Variants in SHC3 observed in about 807,000 individuals in gnomAD.
SHC3 encodes SHC adaptor protein 3, also known as SHC-transforming protein 3.
Under a neutral mutation model 60.4 loss-of-function variants are expected in SHC3, and 15 were observed. The ratio of observed to expected loss-of-function variants is 0.25; its 90% CI spans 0.17 to 0.38. The LOEUF (loss-of-function observed/expected upper bound fraction) is 0.38, where lower values mean the gene tolerates loss of function less well. Ranked by LOEUF, SHC3 falls within the 10% of genes least tolerant of loss-of-function variation. SHC3 has a pLI of 1.00. For synonymous variants in SHC3, 294 were observed against 325.9 expected (o/e 0.90, Z 1.05); for missense variants, 677 against 786.1 (o/e 0.86, Z 1.66).
chr9:89,137,920 T>C (rs1028067179), intron 1 of SHC3, among the ~76,000 whole-genome samples: 3 of 152,184 alleles, frequency 2.0e-5, no homozygotes, highest in African/African-American at 7.2e-5. Context: ...ACAAAGCCAT[T>C]ATTTTGTAAC....
chr9:89,078,011 T>A (rs1825387422), intron 2 of SHC3, 108 bp from the exon 3 acceptor site: 1 of 1,318,338 alleles, frequency 7.6e-7, no homozygotes, highest in Non-Finnish European at 1.1e-6. Flanking sequence ...TTTATTTCAG[T>A]ATAGAAAACA....
intron 11 of SHC3, among the ~76,000 whole-genome samples, chr9:89,028,411 C>T (rs968980396): frequency 6.6e-6 from 1 of 151,616 alleles, no homozygotes; most frequent in African/African-American, 2.4e-5. Flanking sequence ...AGCAAACCAA[C>T]ACCTGCCTCA....
chr9:89,056,650 G>A (rs1304949834), intron 6 of SHC3, among the ~76,000 whole-genome samples: 2 of 152,200 alleles, frequency 1.3e-5, no homozygotes, highest in East Asian at 1.9e-4. Context: ...TTGCTTCGCC[G>A]CTCACCCCAC....
chr9:89,062,769 C>T (rs759033876), intron 6 of SHC3, among the ~76,000 whole-genome samples: 29 of 152,262 alleles, frequency 1.9e-4, no homozygotes, highest in Non-Finnish European at 3.8e-4. Context: ...ACATTCACAC[C>T]CAGAATTTCT....
chr9:89,097,310 C>G (rs1292496744), intron 2 of SHC3, among the ~76,000 whole-genome samples: 2 of 152,104 alleles, frequency 1.3e-5, no homozygotes, highest in Non-Finnish European at 2.9e-5. Context: ...TCAAAAGGAA[C>G]TATAAGTTCC....
At chr9:89,048,522 G>A (rs1226105164) in intron 7 of SHC3, among the ~76,000 whole-genome samples, 5 of 152,148 alleles carry the variant, frequency 3.3e-5, no homozygotes, top group Non-Finnish European at 7.4e-5. Context: ...AGTGGAGAAT[G>A]GGGAGTAATT....
At chr9:89,144,371 A>G (rs919493482) in intron 1 of SHC3, among the ~76,000 whole-genome samples, 2 of 152,258 alleles carry the variant, frequency 1.3e-5, no homozygotes, top group South Asian at 4.1e-4. Context: ...TGGAGTATGC[A>G]CTGGCACCCC....
intron 6 of SHC3, among the ~76,000 whole-genome samples, chr9:89,054,742 T>C (rs1411697316): frequency 6.6e-6 from 1 of 152,184 alleles, no homozygotes; most frequent in Admixed American, 6.5e-5. Flanking sequence ...ATCTAAAACA[T>C]AGCTCAATGT....
At chr9:89,086,755 A>G (rs957845370) in intron 2 of SHC3, among the ~76,000 whole-genome samples, 8 of 152,202 alleles carry the variant, frequency 5.3e-5, no homozygotes, top group African/African-American at 1.9e-4. Flanking sequence ...TCACCTCATT[A>G]GCATACAAAA....
intron 7 of SHC3, among the ~76,000 whole-genome samples, chr9:89,051,476 T>C (rs1842912073): frequency 6.6e-6 from 1 of 152,178 alleles, no homozygotes; most frequent in Non-Finnish European, 1.5e-5. Flanking sequence ...AAGGTGCCAT[T>C]CTTATTCCTA....
At chr9:89,076,235 G>T (rs1263908113) in intron 3 of SHC3, among the ~76,000 whole-genome samples, 1 of 152,064 alleles carries the variant, frequency 6.6e-6, no homozygotes, top group Admixed American at 6.5e-5. Context: ...GCCTTACTTG[G>T]TTCCCCATGG....
Position 89,082,470 on chromosome 9 carries a change from C to T in SHC3, c.546-4567G>A, listed in dbSNP as rs79695598. Among the ~76,000 whole-genome samples, 953 of 152,306 alleles carry T rather than the reference C, an allele frequency of 6.3e-3. 9 individuals carry two copies. Among genetic ancestry groups the T allele is most frequent in the African/African-American group, 0.021 (893 of 41,564 alleles). On this transcript the variant is annotated intron_variant, in intron 2 of 11. Coordinates refer to ENST00000375835, the MANE Select transcript of SHC3 (RefSeq NM_016848.6). ...ATGCTTCCCTGTGTGAGTTGGACATCGGTCCATGGGGCCACCTAGGCCCTG... is the reference window on the plus strand; with the variant it reads ...ATGCTTCCCTGTGTGAGTTGGACATTGGTCCATGGGGCCACCTAGGCCCTG...
intron 1 of SHC3, among the ~76,000 whole-genome samples, chr9:89,116,427 A>G (rs941270736): frequency 1.3e-5 from 2 of 152,008 alleles, no homozygotes; most frequent in Admixed American, 1.3e-4. Flanking sequence ...ACGTGAATAC[A>G]ACCACCACCA....
intron 4 of SHC3, 48 bp from the exon 5 acceptor site, chr9:89,071,300 C>T (rs968876325): frequency 1.2e-6 from 2 of 1,600,608 alleles, no homozygotes; most frequent in Non-Finnish European, 1.7e-6. Context: ...TCGCCCTTTC[C>T]ACATTTTGGA....
intron 1 of SHC3, among the ~76,000 whole-genome samples, chr9:89,119,153 T>C (rs1463130014): frequency 1.3e-5 from 2 of 152,026 alleles, no homozygotes; most frequent in Non-Finnish European, 2.9e-5. Flanking sequence ...TATGTTTATA[T>C]ATGTGTGTAA....
intron 1 of SHC3, among the ~76,000 whole-genome samples, chr9:89,119,466 T>C (rs1826060933): frequency 6.6e-6 from 1 of 152,038 alleles, no homozygotes; most frequent in South Asian, 2.1e-4. Flanking sequence ...ATATAAAACA[T>C]ATTCTATATC....
chr9:89,083,778 G>A (rs1275703095), intron 2 of SHC3, among the ~76,000 whole-genome samples: 1 of 152,144 alleles, frequency 6.6e-6, no homozygotes, highest in Non-Finnish European at 1.5e-5. Flanking sequence ...TTTCTCATGG[G>A]TCATTTTCTC....
At chr9:89,091,375 G>C (rs1825619119) in intron 2 of SHC3, among the ~76,000 whole-genome samples, 1 of 152,228 alleles carries the variant, frequency 6.6e-6, no homozygotes, top group Non-Finnish European at 1.5e-5. Flanking sequence ...TTCAGAAACA[G>C]AGTGTGTGGT....
intron 10 of SHC3, among the ~76,000 whole-genome samples, chr9:89,040,147 CCACCAT>C (rs1587689590): frequency 3.7e-5 from 2 of 54,626 alleles, no homozygotes; most frequent in Non-Finnish European, 7.6e-5. Flanking sequence ...AGCAGCATCA[CCACCAT>C]CATCATCACC....
Sources: allele counts gnomAD v4.1 joint callset (sites outside exome capture counted in the v4.1 genomes callset), GRCh38; gene constraint gnomAD v4.1.1; transcripts MANE v1.5; gene names NCBI Gene and HGNC (gene_info 2026-07-23, HGNC 2026-07-21).